The following DOCK5 variants were observed in gnomAD, a reference collection of about 807,000 sequenced individuals.
The protein encoded by DOCK5 is dedicator of cytokinesis protein 5.
In DOCK5, 142 loss-of-function variants were observed where a neutral mutation model predicts 251.8. The ratio of observed to expected loss-of-function variants is 0.56; its 90% CI spans 0.49 to 0.65. The LOEUF (loss-of-function observed/expected upper bound fraction) is 0.65. DOCK5 is among the 30% of genes least tolerant of loss of function. DOCK5 has a pLI of 0.00. For missense variants in DOCK5, 2,111 were observed against 2,312.3 expected, an observed-to-expected ratio of 0.91 and a Z score of 1.79; for synonymous variants, 842 against 835.5, an observed-to-expected ratio of 1.01 and a Z score of -0.13.
intron 20 of DOCK5, among the ~76,000 whole-genome samples, 155 bp from the exon 21 acceptor site, chr8:25,333,941 C>G (rs1805741001): frequency 6.6e-6 from 1 of 152,084 alleles, no homozygotes; most frequent in South Asian, 2.1e-4. Context: ...TAAATACAAT[C>G]CTCAAGACTT....
At position 25,358,055 on chromosome 8, in the gene DOCK5, C is replaced by T. The variant is rs541025907; in HGVS notation, c.2851-908C>T. On this transcript the variant is annotated intron_variant, in intron 27 of 51. Coordinates refer to ENST00000276440, the MANE Select transcript of DOCK5 (RefSeq NM_024940.8). ...AATTCACGTGGGTAGTATGTTGGAA[C>T]AACTGGCTGAAGGGCTCTGGAGTTG... is the stretch of plus-strand genomic sequence containing the variant. 5.3e-5 allele frequency among the ~76,000 whole-genome samples: 8 copies of T among 152,222 alleles called. No individual in the cohort carries two copies. The South Asian group carries it at 1.7e-3, about 32-fold the overall frequency.
intron 3 of DOCK5, among the ~76,000 whole-genome samples, chr8:25,273,539 G>A (rs1282358928): frequency 6.6e-6 from 1 of 152,240 alleles, no homozygotes; most frequent in African/African-American, 2.4e-5. Context: ...GAGGGCGGAG[G>A]TTGCAGTGAG....
At chr8:25,406,877 C>T (rs1047053018) in intron 48 of DOCK5, among the ~76,000 whole-genome samples, 3 of 152,076 alleles carry the variant, frequency 2.0e-5, no homozygotes, top group African/African-American at 4.8e-5. Context: ...CCGCCCACCT[C>T]GGCCTCTCAA....
chr8:25,320,699 A>G lies in DOCK5; in HGVS notation c.1543-281A>G, dbSNP rs372366266. Among the ~76,000 whole-genome samples the G allele has an allele frequency of 3.6e-3, 548 of 152,324 alleles. 6 individuals carry two copies. Among genetic ancestry groups the G allele is most frequent in the South Asian group, 0.027 (128 of 4,824 alleles). ...TGAAAGATCCTGTGTGGACCTCAAAATACCAGTATTTCCCCTCTGAAGTAT... is the reference window on the plus strand; with the variant it reads ...TGAAAGATCCTGTGTGGACCTCAAAGTACCAGTATTTCCCCTCTGAAGTAT... On this transcript the variant is annotated intron_variant, in intron 15 of 51. Coordinates refer to ENST00000276440, the MANE Select transcript of DOCK5 (RefSeq NM_024940.8).
intron 51 of DOCK5, among the ~76,000 whole-genome samples, chr8:25,410,968 T>TGC (rs1801616769): frequency 2.5e-4 from 7 of 28,288 alleles, no homozygotes; most frequent in African/African-American, 8.4e-4. Flanking sequence ...TGTGTGTGTG[T>TGC]GTGTGCGCGC....
chr8:25,227,977 C>A (rs1349439589), intron 1 of DOCK5, among the ~76,000 whole-genome samples: 1 of 152,080 alleles, frequency 6.6e-6, no homozygotes, highest in Admixed American at 6.5e-5. Flanking sequence ...CTCCACCTGC[C>A]AGGCTCCAGT....
At chr8:25,250,245 T>C (rs920552041) in intron 2 of DOCK5, among the ~76,000 whole-genome samples, 5 of 152,222 alleles carry the variant, frequency 3.3e-5, no homozygotes, top group African/African-American at 1.2e-4. Context: ...GCCTTGCCCC[T>C]GAACTTCATT....
rs149591379 is a variant in DOCK5, at chr8:25,232,791, T to C, written c.44-10883T>C. 2.6e-3 allele frequency among the ~76,000 whole-genome samples: 396 copies of C among 152,274 alleles called. 4 individuals are homozygous for C. The highest frequency in any genetic ancestry group is 9.2e-3 in the African/African-American group (382 of 41,562). The stretch of plus-strand genomic sequence containing the variant: ...GTACAGGAGACAAACATTCAGTCTG[T>C]AACACTGCACTACCGAGTACTTAGT... On this transcript the variant is annotated intron_variant, in intron 1 of 51. Coordinates refer to ENST00000276440, the MANE Select transcript of DOCK5 (RefSeq NM_024940.8).
chr8:25,295,370 T>C (rs1028096218), intron 6 of DOCK5, among the ~76,000 whole-genome samples: 1 of 150,136 alleles, frequency 6.7e-6, no homozygotes, highest in Non-Finnish European at 1.5e-5. Flanking sequence ...AGCCCAGGAG[T>C]TTAAGGCTGT....
At chr8:25,330,282 T>C (rs1805653326) in intron 18 of DOCK5, among the ~76,000 whole-genome samples, 1 of 152,190 alleles carries the variant, frequency 6.6e-6, no homozygotes, top group Non-Finnish European at 1.5e-5. Context: ...TTTCCGTTCA[T>C]TCATTTATTC....
intron 43 of DOCK5, among the ~76,000 whole-genome samples, chr8:25,392,278 T>C (rs1174590804): frequency 7.2e-6 from 1 of 139,804 alleles, no homozygotes; most frequent in African/African-American, 2.7e-5. Flanking sequence ...CACTCCAGCA[T>C]GGGCGACAGA....
rs1316891033 is a variant in DOCK5 at position 25,184,855 on chromosome 8, C to T, written c.-54C>T. ...GAGCGCGGGGCGGCGGCGGCCGGAG[C>T]CCGAGGAGCTGTAGCAGCCTTAGTC... On this transcript the variant is annotated 5_prime_UTR_variant, in exon 1 of 52. Transcript: ENST00000276440. 1.5e-5 allele frequency: 19 copies of T among 1,289,394 alleles called. No homozygotes were observed. The highest frequency in any genetic ancestry group is 1.9e-5 in the Non-Finnish European group (19 of 1,012,152). 79.9% of individuals were successfully genotyped at this position (1,289,394 alleles called of 1,614,324 possible). A position where few individuals can be genotyped will look rare whatever the true frequency, so the allele number is the denominator to read the frequency against.
chr8:25,233,252 G>T (rs1802715738), intron 1 of DOCK5, among the ~76,000 whole-genome samples: 1 of 152,182 alleles, frequency 6.6e-6, no homozygotes, highest in African/African-American at 2.4e-5. Flanking sequence ...GCTGTTCAGT[G>T]TCTGAAAACC....
At chr8:25,365,025 C>G (rs927797292) in intron 30 of DOCK5, among the ~76,000 whole-genome samples, 1 of 152,192 alleles carries the variant, frequency 6.6e-6, no homozygotes, top group Non-Finnish European at 1.5e-5. Flanking sequence ...CACAAATGCA[C>G]ATAGACACAC....
At chr8:25,279,843 T>C (rs1804143249) in intron 5 of DOCK5, among the ~76,000 whole-genome samples, 1 of 152,010 alleles carries the variant, frequency 6.6e-6, no homozygotes. Context: ...CAGGCTGGTC[T>C]TGAACTCCTG....
intron 47 of DOCK5, among the ~76,000 whole-genome samples, chr8:25,401,699 A>G (rs2117336484): frequency 6.6e-6 from 1 of 152,204 alleles, no homozygotes; most frequent in South Asian, 2.1e-4. Flanking sequence ...ACACCATTGC[A>G]CTCCAGCCTG....
At chr8:25,251,930 A>G (rs1803282300) in intron 2 of DOCK5, among the ~76,000 whole-genome samples, 1 of 151,838 alleles carries the variant, frequency 6.6e-6, no homozygotes, top group African/African-American at 2.4e-5. Context: ...CAGAGGTTGC[A>G]GTGAGCTGAG....
At position 25,299,063 on chromosome 8, in the gene DOCK5, T is replaced by C; in HGVS notation, c.726T>C (p.Phe242=). The change falls in exon 8 of 52, where the codon TTT becomes TTC. Residue 242 remains phenylalanine (F), a synonymous_variant. Coordinates refer to ENST00000276440, the MANE Select transcript of DOCK5 (RefSeq NM_024940.8). The stretch of plus-strand genomic sequence containing the variant: ...ACATCGGGGAAGATGCAGAGTTGTT[T>C]ATGGCCCTCTACGACCCAGACCAGT... ...VCNIGEDAEL[F]MALYDPDQST... The C allele has an allele frequency of 1.2e-6, 2 of 1,613,914 alleles. No homozygotes were observed. Among genetic ancestry groups the C allele is most frequent in the Middle Eastern group, 1.6e-4 (1 of 6,062 alleles).
intron 3 of DOCK5, among the ~76,000 whole-genome samples, chr8:25,275,030 T>C (rs758316574): frequency 2.0e-5 from 3 of 152,156 alleles, no homozygotes; most frequent in Non-Finnish European, 4.4e-5. Context: ...TGTCACCCCT[T>C]ATGTGAAACT....
Sources: allele counts gnomAD v4.1 joint callset (sites outside exome capture counted in the v4.1 genomes callset), GRCh38; gene constraint gnomAD v4.1.1; transcripts MANE v1.5; gene names NCBI Gene and HGNC (gene_info 2026-07-23, HGNC 2026-07-21).